Variants in AOX1 observed in about 807,000 individuals in gnomAD.
The protein encoded by AOX1 is aldehyde oxidase.
Under a neutral mutation model 169.5 loss-of-function variants are expected in AOX1, and 153 were observed. That is an observed-to-expected ratio of 0.90 (90% CI 0.79 to 1.03). The LOEUF is 1.03. Ranked by LOEUF, AOX1 falls within the 50% of genes least tolerant of loss-of-function variation. AOX1 has a pLI of 0.00. For synonymous variants in AOX1, 562 were observed against 581.9 expected (o/e 0.97, Z 0.49); for missense variants, 1,656 against 1,663.9 (o/e 1.00, Z 0.08).
At position 200,638,293 on chromosome 2, in the gene AOX1, A is replaced by G; in HGVS notation, c.2559A>G (p.Gly853=). ...LITGGRHPYL[G]KYKAGFMNDG... ...CTGGAGGCCGCCATCCTTACCTTGG[A>G]AAGTACAAAGTGAGTACAAGAGGGC... is the stretch of plus-strand genomic sequence containing the variant. The change falls in exon 23 of 35, where the codon GGA becomes GGG. Residue 853 remains glycine (G), a synonymous_variant. Transcript: ENST00000374700. 8.1e-6 allele frequency: 13 copies of G among 1,613,614 alleles called. No homozygotes were observed. The highest frequency in any genetic ancestry group is 1.0e-5 in the Non-Finnish European group (12 of 1,179,608).
At chr2:200,658,865 C>A (rs1441604140) in intron 27 of AOX1, among the ~76,000 whole-genome samples, 1 of 152,320 alleles carries the variant, frequency 6.6e-6, no homozygotes, top group East Asian at 1.9e-4. Context: ...ATGTCAATAT[C>A]ATGATTATAA....
intron 23 of AOX1, 138 bp from the exon 24 acceptor site, chr2:200,640,960 A>G (rs1057507562): frequency 8.5e-6 from 5 of 588,918 alleles, no homozygotes; most frequent in Non-Finnish European, 9.3e-6. Flanking sequence ...TCACAGAGCT[A>G]GTTATATACT....
intron 20 of AOX1, among the ~76,000 whole-genome samples, chr2:200,630,688 T>C (rs1364350616): frequency 6.6e-6 from 1 of 152,148 alleles, no homozygotes; most frequent in Non-Finnish European, 1.5e-5. Context: ...ACTCACAAGT[T>C]TGAGTCTAGC....
intron 25 of AOX1, among the ~76,000 whole-genome samples, chr2:200,648,131 A>C (rs2035499188): frequency 6.6e-6 from 1 of 152,066 alleles, no homozygotes; most frequent in East Asian, 1.9e-4. Flanking sequence ...TTGCTGGTGA[A>C]CTAGTGTGAT....
chr2:200,677,053 T>G, exon 5 of AOX1: 1 of 392,276 alleles, frequency 2.5e-6, no homozygotes, highest in Non-Finnish European at 5.1e-6. Context: ...TAAATTCATA[T>G]AAAGAAAGAA....
At chr2:200,597,658 A>T (rs1022773413) in intron 4 of AOX1, among the ~76,000 whole-genome samples, 153 bp downstream of exon 4, 1 of 152,248 alleles carries the variant, frequency 6.6e-6, no homozygotes, top group African/African-American at 2.4e-5. Context: ...GAAGCCTGGC[A>T]TATTGGGATA....
intron 4 of AOX1, among the ~76,000 whole-genome samples, chr2:200,676,637 A>C (rs1003367784): frequency 1.3e-5 from 2 of 151,766 alleles, no homozygotes; most frequent in African/African-American, 4.8e-5. Context: ...AAGAAGAAGA[A>C]GATAGCTTAT....
At chr2:200,602,231 C>G (rs2248130) in intron 5 of AOX1, 53 bp from the exon 6 acceptor site, 487,482 of 1,451,090 alleles carry the variant, frequency 0.34, 83,059 homozygotes, top group East Asian at 0.45. Context: ...TCTTGGTAGA[C>G]TGTGCCTCTA....
In AOX1 at chr2:200,656,900, T is replaced by C. The variant is rs1399472315; in HGVS notation, c.3134T>C (p.Ile1045Thr). The change falls in exon 27 of 35, where the codon ATT (isoleucine) becomes ACT (threonine). Residue 1045 changes from isoleucine (I) to threonine (T), a missense_variant. Transcript: ENST00000374700. The stretch of plus-strand genomic sequence containing the variant: ...TCTGTGCTGGTCACTCACGGTGGAA[T>C]TGAAATGGGGCAGGGGGTCCACACT... ...DGSVLVTHGG[I>T]EMGQGVHTKM... 5.0e-6 allele frequency: 8 copies of C among 1,587,888 alleles called. No homozygotes were observed. Among genetic ancestry groups the C allele is most frequent in the African/African-American group, 2.7e-5 (2 of 73,968 alleles).
chr2:200,588,091 A>G (rs183016323), intron 1 of AOX1: 34 of 152,516 alleles, frequency 2.2e-4, no homozygotes, highest in Non-Finnish European at 1.3e-4. Flanking sequence ...TGCTAATATA[A>G]AAAATAAAGC....
At chr2:200,617,481 C>CAAAAAAAAAAAAAA (rs35035526) in intron 16 of AOX1, among the ~76,000 whole-genome samples, 1 of 58,208 alleles carries the variant, frequency 1.7e-5, no homozygotes. Context: ...CAACTAACTG[C>CAAAAAAAAAAAAAA]AAAAAAAAAA....
chr2:200,602,368 T>C (rs536194726), intron 6 of AOX1, 23 bp downstream of exon 6: 10 of 1,607,414 alleles, frequency 6.2e-6, no homozygotes, highest in Non-Finnish European at 7.7e-6. Context: ...GACCACATGT[T>C]TGAGTATGTT....
intron 25 of AOX1, among the ~76,000 whole-genome samples, chr2:200,643,587 C>G (rs965957481): frequency 4.6e-5 from 7 of 152,088 alleles, no homozygotes; most frequent in Non-Finnish European, 8.8e-5. Flanking sequence ...AGTGGGATTG[C>G]TGGGTCAAAT....
In AOX1 at chr2:200,671,230, A is replaced by G. The variant is rs2036024226; in HGVS notation, c.*551A>G. 1 of 152,088 alleles carries G rather than the reference A, an allele frequency of 6.6e-6. No individual in the cohort carries two copies. The highest frequency in any genetic ancestry group is 2.4e-5 in the African/African-American group (1 of 41,414). 9.4% of individuals were successfully genotyped at this position (152,088 alleles called of 1,614,324 possible). A position where few individuals can be genotyped will look rare whatever the true frequency, so the allele number is the denominator to read the frequency against. On this transcript the variant is annotated 3_prime_UTR_variant, in exon 35 of 35. Transcript: ENST00000374700. ...AAGCTTTAAAAGTTACTATCAAGAAATTGAAAGGAAACCCACAGAATAGGA... is the reference window on the plus strand; with the variant it reads ...AAGCTTTAAAAGTTACTATCAAGAAGTTGAAAGGAAACCCACAGAATAGGA...
At chr2:200,611,288 G>T (rs2034633999) in intron 12 of AOX1, 96 bp from the exon 13 acceptor site, 1 of 829,676 alleles carries the variant, frequency 1.2e-6, no homozygotes, top group Non-Finnish European at 2.0e-6. Context: ...TGAACAACCG[G>T]TTTCCTCAGG....
intron 5 of AOX1, among the ~76,000 whole-genome samples, chr2:200,601,333 C>T (rs2105695082): frequency 6.6e-6 from 1 of 152,122 alleles, no homozygotes; most frequent in South Asian, 2.1e-4. Flanking sequence ...ATGTATTCGT[C>T]AAAGGTAAAA....
intron 13 of AOX1, among the ~76,000 whole-genome samples, chr2:200,612,182 A>G (rs1007918091): frequency 3.9e-5 from 6 of 152,230 alleles, no homozygotes; most frequent in Admixed American, 3.9e-4. Flanking sequence ...TATTGGAAAA[A>G]ACATGAGGCT....
intron 31 of AOX1, among the ~76,000 whole-genome samples, chr2:200,664,019 C>T (rs1431532289): frequency 6.6e-6 from 1 of 152,090 alleles, no homozygotes; most frequent in Non-Finnish European, 1.5e-5. Flanking sequence ...ATAGGGTAAC[C>T]TCGCACTAGG....
intron 3 of AOX1, among the ~76,000 whole-genome samples, chr2:200,595,875 G>A (rs1484344740): frequency 2.6e-5 from 4 of 152,168 alleles, no homozygotes; most frequent in Non-Finnish European, 4.4e-5. Context: ...CAGCCAGAGT[G>A]ACCTGCTTTA....
Sources: gnomAD v4.1 joint callset for allele counts (sites outside exome capture counted in the v4.1 genomes callset) on GRCh38, gnomAD v4.1.1 for gene constraint, MANE v1.5 for transcripts, NCBI Gene and HGNC (gene_info 2026-07-23, HGNC 2026-07-21) for gene names.